The following EIF4G3 variants were observed in gnomAD, a reference collection of about 807,000 sequenced individuals.
The protein encoded by EIF4G3 is eukaryotic translation initiation factor 4 gamma 3.
Under a neutral mutation model 186.4 loss-of-function variants are expected in EIF4G3, and 34 were observed. The observed-to-expected ratio is 0.18, with a 90% CI of 0.14 to 0.24. The LOEUF (loss-of-function observed/expected upper bound fraction) is 0.24, where lower values mean the gene tolerates loss of function less well. Ranked by LOEUF, EIF4G3 falls within the 10% of genes least tolerant of loss-of-function variation. The pLI is 1.00. For synonymous variants in EIF4G3, 673 were observed against 679.5 expected (o/e 0.99, Z 0.15); for missense variants, 1,536 against 1,948.5 (o/e 0.79, Z 3.99).
chr1:20,857,756 CA>C (rs2075375268), intron 24 of EIF4G3, among the ~76,000 whole-genome samples: 2 of 152,192 alleles, frequency 1.3e-5, no homozygotes. Flanking sequence ...ACAACTGACA[CA>C]AATGAATACC....
chr1:20,913,570 T>G (rs1400931835), intron 14 of EIF4G3, among the ~76,000 whole-genome samples: 3 of 152,156 alleles, frequency 2.0e-5, no homozygotes, highest in Admixed American at 6.5e-5. Flanking sequence ...CAATTTAAAT[T>G]GTTTTACTTC....
At chr1:21,012,015 A>G (rs1248437953) in intron 4 of EIF4G3, among the ~76,000 whole-genome samples, 3 of 152,210 alleles carry the variant, frequency 2.0e-5, no homozygotes, top group Admixed American at 2.0e-4. Flanking sequence ...AGGATTGAGA[A>G]GCCCAAAGAG....
rs369822920 is a variant in EIF4G3 at position 20,933,000 on chromosome 1, G to A, written c.1663+8491C>T. 3.3e-5 allele frequency among the ~76,000 whole-genome samples: 5 copies of A among 152,302 alleles called. No homozygotes were observed. The East Asian group carries it at 9.7e-4, about 29-fold the overall frequency. ...AAGACTCCTACTATATGGCGCTTTT[G>A]AAATAATCTCCAGGCTTCTAGAACA... On this transcript the variant is annotated intron_variant, in intron 14 of 36. Transcript: ENST00000602326.
At chr1:20,932,294 T>C (rs573384496) in intron 14 of EIF4G3, among the ~76,000 whole-genome samples, 15 of 152,308 alleles carry the variant, frequency 9.8e-5, no homozygotes, top group African/African-American at 3.6e-4. Context: ...GTTTGATCTA[T>C]CCAGACCACT....
chr1:20,871,116 T>G (rs1283575096), intron 20 of EIF4G3, among the ~76,000 whole-genome samples: 2 of 152,084 alleles, frequency 1.3e-5, no homozygotes, highest in Admixed American at 1.3e-4. Context: ...ACAAAATAAT[T>G]TTATACTCTA....
At chr1:21,018,516 C>T (rs1156428267) in intron 4 of EIF4G3, among the ~76,000 whole-genome samples, 2 of 150,938 alleles carry the variant, frequency 1.3e-5, no homozygotes, top group Non-Finnish European at 2.9e-5. Context: ...GCTGAGATCA[C>T]GCCACTGCAC....
chr1:21,171,612 C>T (rs2097971656), intron 2 of EIF4G3, among the ~76,000 whole-genome samples: 1 of 152,142 alleles, frequency 6.6e-6, no homozygotes, highest in South Asian at 2.1e-4. Flanking sequence ...ATGTCACTTA[C>T]CATCAGACAA....
chr1:20,915,776 T>C (rs1013013755), intron 14 of EIF4G3, among the ~76,000 whole-genome samples: 13 of 152,314 alleles, frequency 8.5e-5, no homozygotes, highest in African/African-American at 3.1e-4. Flanking sequence ...CGGTAAAAGA[T>C]TGAATGATTT....
chr1:21,063,945 ACT>A (rs1467045929), intron 3 of EIF4G3, among the ~76,000 whole-genome samples: 1 of 146,730 alleles, frequency 6.8e-6, no homozygotes, highest in Non-Finnish European at 1.5e-5. Flanking sequence ...CTGGTCTGCA[ACT>A]CCTGACCTGA....
chr1:20,809,926 C>G (rs1326757365), intron 36 of EIF4G3, among the ~76,000 whole-genome samples: 1 of 72,734 alleles, frequency 1.4e-5, no homozygotes, highest in South Asian at 3.7e-4. Flanking sequence ...ATAACCTAAT[C>G]TAAATAGTTT....
intron 20 of EIF4G3, among the ~76,000 whole-genome samples, chr1:20,868,090 CTTTTTT>C (rs66560662): frequency 1.1e-5 from 1 of 90,416 alleles, no homozygotes; most frequent in African/African-American, 4.0e-5. Context: ...TGGTGATTTT[CTTTTTT>C]TTTTTTTTTT....
chr1:21,053,314 C>T (rs1232318676), intron 3 of EIF4G3, among the ~76,000 whole-genome samples: 3 of 151,714 alleles, frequency 2.0e-5, no homozygotes, highest in Non-Finnish European at 4.4e-5. Flanking sequence ...GCAGCCACTC[C>T]GTCTGGGAAG....
At chr1:20,869,268 T>G (rs2078426941) in intron 20 of EIF4G3, among the ~76,000 whole-genome samples, 1 of 151,842 alleles carries the variant, frequency 6.6e-6, no homozygotes, top group African/African-American at 2.4e-5. Context: ...CTGTGCTAAC[T>G]CTAAAACTCT....
chr1:21,172,846 A>C (rs2098012175), intron 2 of EIF4G3, among the ~76,000 whole-genome samples: 1 of 151,240 alleles, frequency 6.6e-6, no homozygotes, highest in Non-Finnish European at 1.5e-5. Context: ...CATTGACTTA[A>C]GATGTGGTTC....
At chr1:21,150,881 C>T (rs2102797704) in intron 2 of EIF4G3, among the ~76,000 whole-genome samples, 1 of 152,282 alleles carries the variant, frequency 6.6e-6, no homozygotes, top group South Asian at 2.1e-4. Flanking sequence ...GAGGCTGAGG[C>T]AGAAGAATCG....
At chr1:21,012,216 T>C (rs903951391) in intron 4 of EIF4G3, among the ~76,000 whole-genome samples, 2 of 152,216 alleles carry the variant, frequency 1.3e-5, no homozygotes, top group African/African-American at 4.8e-5. Flanking sequence ...TTCGGGACAG[T>C]CGTTTACTAT....
chr1:21,023,051 T>C (rs964943682), intron 4 of EIF4G3, among the ~76,000 whole-genome samples: 5 of 152,220 alleles, frequency 3.3e-5, no homozygotes, highest in African/African-American at 1.2e-4. Flanking sequence ...TCTCAAACTA[T>C]ACTTGACTTC....
intron 28 of EIF4G3, 60 bp from the exon 29 acceptor site, chr1:20,849,590 G>C: frequency 1.4e-6 from 1 of 718,090 alleles, no homozygotes; most frequent in Non-Finnish European, 2.2e-6. Flanking sequence ...AAAATAGTGA[G>C]ATTATGGTTG....
intron 18 of EIF4G3, among the ~76,000 whole-genome samples, chr1:20,889,364 A>C (rs1313497186): frequency 6.6e-6 from 1 of 152,224 alleles, no homozygotes; most frequent in Non-Finnish European, 1.5e-5. Context: ...AGTTTATCTC[A>C]AAAGTTAGTT....
Sources: gnomAD v4.1 joint callset for allele counts (sites outside exome capture counted in the v4.1 genomes callset) on GRCh38, gnomAD v4.1.1 for gene constraint, MANE v1.5 for transcripts, NCBI Gene and HGNC (gene_info 2026-07-23, HGNC 2026-07-21) for gene names.